Variants in HS3ST5 observed in about 807,000 individuals in gnomAD.
The protein encoded by HS3ST5 is heparan sulfate-glucosamine 3-sulfotransferase 5.
In HS3ST5, 10 loss-of-function variants were observed where a neutral mutation model predicts 25.4. The observed-to-expected ratio is 0.39, with a 90% CI of 0.24 to 0.67. HS3ST5 has a LOEUF of 0.67. Ranked by LOEUF, HS3ST5 falls within the 30% of genes least tolerant of loss-of-function variation. HS3ST5 has a pLI of 0.44. For missense variants in HS3ST5, 324 were observed against 420.7 expected (o/e 0.77, Z 2.01); for synonymous variants, 170 against 162.4 (o/e 1.05, Z -0.36).
chr6:114,256,827 G>C (rs972202021), intron 1 of HS3ST5, among the ~76,000 whole-genome samples: 1 of 152,092 alleles, frequency 6.6e-6, no homozygotes. Flanking sequence ...CACTCTACCA[G>C]TACCAATTTA....
intron 3 of HS3ST5, among the ~76,000 whole-genome samples, chr6:114,112,230 T>C (rs979781167): frequency 3.3e-5 from 5 of 152,206 alleles, no homozygotes; most frequent in Admixed American, 1.3e-4. Flanking sequence ...ATAGCTGGCA[T>C]TGAGATGGAG....
At chr6:114,109,622 C>T (rs1334387705) in intron 3 of HS3ST5, among the ~76,000 whole-genome samples, 2 of 152,158 alleles carry the variant, frequency 1.3e-5, no homozygotes, top group African/African-American at 4.8e-5. Context: ...ATGGATATCC[C>T]TGGACCCTCA....
intron 3 of HS3ST5, among the ~76,000 whole-genome samples, chr6:114,120,164 A>G (rs956081047): frequency 1.3e-5 from 2 of 152,108 alleles, no homozygotes. Context: ...AAAACAAAAC[A>G]AAACAAAAAA....
chr6:114,165,323 G>C (rs895135957), intron 3 of HS3ST5, among the ~76,000 whole-genome samples: 1 of 152,148 alleles, frequency 6.6e-6, no homozygotes, highest in Admixed American at 6.6e-5. Flanking sequence ...GTCAGCATCA[G>C]CGCTAGGTCA....
intron 3 of HS3ST5, among the ~76,000 whole-genome samples, chr6:114,161,087 A>G (rs904790692): frequency 6.6e-6 from 1 of 152,152 alleles, no homozygotes; most frequent in Non-Finnish European, 1.5e-5. Context: ...ATTTAGAACT[A>G]AATGACAGTG....
intron 1 of HS3ST5, among the ~76,000 whole-genome samples, chr6:114,241,755 T>TG (rs1772138936): frequency 6.6e-6 from 1 of 152,088 alleles, no homozygotes. Context: ...AGTTTTGTGG[T>TG]GGGGGTGTAT....
At chr6:114,205,872 T>C (rs1370298834) in intron 2 of HS3ST5, among the ~76,000 whole-genome samples, 1 of 152,162 alleles carries the variant, frequency 6.6e-6, no homozygotes, top group Non-Finnish European at 1.5e-5. Context: ...GCCACTGATC[T>C]GACAGGAGGT....
In HS3ST5 at chr6:114,323,604, T is replaced by A. The variant is rs534268503; in HGVS notation, c.-339+18591A>T. 5.6e-4 allele frequency among the ~76,000 whole-genome samples: 86 copies of A among 152,270 alleles called. 1 individual carries two copies. Among genetic ancestry groups the A allele is most frequent in the African/African-American group, 2.0e-3 (83 of 41,574 alleles). ...TTTCCTCATCTGTAAAAGTATAATG[T>A]GGAGGCTACCTCATAGCATTATTAT... On this transcript the variant is annotated intron_variant, in intron 1 of 4. Transcript: ENST00000312719.
At chr6:114,200,500 T>G (rs115477807) in intron 2 of HS3ST5, among the ~76,000 whole-genome samples, 1 of 152,240 alleles carries the variant, frequency 6.6e-6, no homozygotes, top group Non-Finnish European at 1.5e-5. Flanking sequence ...TTTGGTTTAA[T>G]GCATATTCAA....
At chr6:114,121,848 G>A (rs183332185) in intron 3 of HS3ST5, among the ~76,000 whole-genome samples, 61 of 152,246 alleles carry the variant, frequency 4.0e-4, no homozygotes, top group Admixed American at 9.8e-4. Flanking sequence ...TTTAGCAAAA[G>A]TTAAAAATAA....
Position 114,216,728 on chromosome 6 carries a change from T to TAAA in HS3ST5, c.-145+11854_-145+11856dup, listed in dbSNP as rs760077446. Reference sequence around the variant, plus strand: ...AGATAGAGAACAGAATCGTCCTCCTTAAAAAAAAAAAAAAAAAAAAAAGGA... The same window carrying TAAA: ...AGATAGAGAACAGAATCGTCCTCCTTAAAAAAAAAAAAAAAAAAAAAAAAAGGA... On this transcript the variant is annotated intron_variant, in intron 2 of 4. Coordinates refer to ENST00000312719, the MANE Select transcript of HS3ST5 (RefSeq NM_153612.4). Among the ~76,000 whole-genome samples the TAAA allele has an allele frequency of 7.0e-3, 634 of 90,074 alleles. 6 individuals are homozygous for TAAA. Among genetic ancestry groups the TAAA allele is most frequent in the East Asian group, 0.02 (58 of 2,896 alleles). The allele number at this position is 90,074 out of a possible 152,430, so 59.1% of individuals were successfully genotyped here.
At chr6:114,169,469 C>A (rs1470384557) in intron 2 of HS3ST5, among the ~76,000 whole-genome samples, 3 of 152,098 alleles carry the variant, frequency 2.0e-5, no homozygotes, top group Non-Finnish European at 2.9e-5. Flanking sequence ...ACCTCACAAC[C>A]CCAATATTGC....
At chr6:114,191,669 G>T (rs1274728963) in intron 2 of HS3ST5, among the ~76,000 whole-genome samples, 1 of 152,098 alleles carries the variant, frequency 6.6e-6, no homozygotes, top group Non-Finnish European at 1.5e-5. Context: ...TCGGTGCCTT[G>T]CAGTGTCCGA....
Position 114,098,645 on chromosome 6 carries a change from G to A in HS3ST5, c.-32-35768C>T, listed in dbSNP as rs182481353. 4.6e-5 allele frequency among the ~76,000 whole-genome samples: 7 copies of A among 151,352 alleles called. No individual in the cohort carries two copies. The East Asian group carries it at 1.4e-3, about 29-fold the overall frequency. On this transcript the variant is annotated intron_variant, in intron 3 of 4. Coordinates refer to ENST00000312719, the MANE Select transcript of HS3ST5 (RefSeq NM_153612.4). ...GACAACTAGGAAATACTTGATGAATGGGCATATTAAGCAGCTATATAAACC... is the reference window on the plus strand; with the variant it reads ...GACAACTAGGAAATACTTGATGAATAGGCATATTAAGCAGCTATATAAACC...
intron 1 of HS3ST5, among the ~76,000 whole-genome samples, chr6:114,257,518 T>C (rs1203068610): frequency 3.9e-5 from 6 of 152,128 alleles, no homozygotes; most frequent in Non-Finnish European, 7.4e-5. Context: ...GGTTCACCAT[T>C]TGGCTTGTAC....
At chr6:114,163,479 A>G (rs1381243214) in intron 3 of HS3ST5, among the ~76,000 whole-genome samples, 1 of 152,166 alleles carries the variant, frequency 6.6e-6, no homozygotes, top group Non-Finnish European at 1.5e-5. Flanking sequence ...AGCATATAAT[A>G]TTATTTAGTG....
chr6:114,318,437 A>G (rs1775831619), intron 1 of HS3ST5, among the ~76,000 whole-genome samples: 2 of 152,162 alleles, frequency 1.3e-5, no homozygotes, highest in East Asian at 1.9e-4. Flanking sequence ...AGACTCTTTA[A>G]GTAGATTTTT....
chr6:114,077,249 G>A (rs1231361098), intron 3 of HS3ST5, among the ~76,000 whole-genome samples: 1 of 152,090 alleles, frequency 6.6e-6, no homozygotes, highest in East Asian at 1.9e-4. Context: ...TCTGCTCAGG[G>A]GTCTCATTTA....
At chr6:114,261,311 T>C (rs746315663) in intron 1 of HS3ST5, among the ~76,000 whole-genome samples, 28 of 152,218 alleles carry the variant, frequency 1.8e-4, no homozygotes, top group Non-Finnish European at 3.2e-4. Context: ...ACTAATGAGA[T>C]GCTATCATGG....
Sources: gnomAD v4.1 joint callset for allele counts (sites outside exome capture counted in the v4.1 genomes callset) on GRCh38, gnomAD v4.1.1 for gene constraint, MANE v1.5 for transcripts, NCBI Gene and HGNC (gene_info 2026-07-23, HGNC 2026-07-21) for gene names.